METTL15: variants seen among roughly 807,000 people sequenced by gnomAD.
METTL15 encodes 12S rRNA N(4)-cytidine methyltransferase METTL15.
A neutral mutation model predicts 38.3 loss-of-function variants in METTL15; 34 were observed. That is an observed-to-expected ratio of 0.89 (90% CI 0.68 to 1.18). METTL15 has a LOEUF of 1.18. Among genes scored for constraint, METTL15 ranks in the 50% most tolerant of loss-of-function variants. The pLI is 0.00. For synonymous variants in METTL15, 162 were observed against 170.9 expected (o/e 0.95, Z 0.41); for missense variants, 438 against 498.4 (o/e 0.88, Z 1.15).
At chr11:28,313,640 TTGTTG>T (rs1164432883) in intron 6 of METTL15, among the ~76,000 whole-genome samples, 1 of 152,020 alleles carries the variant, frequency 6.6e-6, no homozygotes, top group Non-Finnish European at 1.5e-5. Flanking sequence ...ATTCTCACAT[TTGTTG>T]TGTTGGAGTG....
intron 3 of METTL15, among the ~76,000 whole-genome samples, chr11:28,131,640 TTTGA>T (rs1849341885): frequency 6.6e-6 from 1 of 152,122 alleles, no homozygotes; most frequent in Admixed American, 6.6e-5. Flanking sequence ...TGTATTTCTG[TTTGA>T]TTGTGAACAT....
intron 3 of METTL15, among the ~76,000 whole-genome samples, chr11:28,169,256 GACAA>G (rs1385607598): frequency 2.6e-4 from 39 of 152,132 alleles, no homozygotes; most frequent in African/African-American, 9.4e-4. Flanking sequence ...GTTATTAGTG[GACAA>G]ACAAATTCAG....
chr11:28,194,967 C>T (rs939822829), intron 3 of METTL15, among the ~76,000 whole-genome samples: 8 of 151,942 alleles, frequency 5.3e-5, no homozygotes, highest in African/African-American at 1.2e-4. Context: ...TTTTCCATTC[C>T]GGAGTTACTT....
intron 5 of METTL15, among the ~76,000 whole-genome samples, chr11:28,394,808 T>C (rs886207325): frequency 1.6e-4 from 25 of 152,252 alleles, no homozygotes; most frequent in African/African-American, 5.5e-4. Context: ...TAGTTTGTGC[T>C]GATCTCTCTC....
At chr11:28,527,970 C>T (rs546682101), downstream of METTL15, among the ~76,000 whole-genome samples, 2 of 152,286 alleles carry the variant, frequency 1.3e-5, no homozygotes, top group South Asian at 4.1e-4. Context: ...AAAATTCTGA[C>T]TCTCAAAGTA....
Position 28,518,172 on chromosome 11 carries a change from A to G in METTL15, c.*425-8306A>G, listed in dbSNP as rs146642031. On this transcript the variant is annotated intron_variant and NMD_transcript_variant, in intron 6 of 7. Transcript: ENST00000532947. The stretch of plus-strand genomic sequence containing the variant: ...TCAGATTGCAGGAGAAAGGTTTAAA[A>G]AAAAAGCATAAAGAAATTATCTAGG... Among the ~76,000 whole-genome samples the G allele has an allele frequency of 9.2e-4, 140 of 152,340 alleles. 1 individual carries two copies. The highest frequency in any genetic ancestry group is 1.7e-3 in the Non-Finnish European group (114 of 68,034).
At chr11:28,129,451 C>G (rs1486473386) in intron 3 of METTL15, among the ~76,000 whole-genome samples, 1 of 150,866 alleles carries the variant, frequency 6.6e-6, no homozygotes, top group African/African-American at 2.4e-5. Context: ...GCTCTCTTGC[C>G]TAGGCTGGAG....
chr11:28,524,593 G>A (rs1263164526), intron 6 of METTL15, among the ~76,000 whole-genome samples: 1 of 152,176 alleles, frequency 6.6e-6, no homozygotes, highest in African/African-American at 2.4e-5. Context: ...ATTACTTAGT[G>A]TGAAGGGTTC....
At chr11:28,446,352 C>T (rs921228143) in intron 6 of METTL15, among the ~76,000 whole-genome samples, 1 of 152,140 alleles carries the variant, frequency 6.6e-6, no homozygotes, top group African/African-American at 2.4e-5. Context: ...GTAGCTTCCA[C>T]ACTGGTGCTC....
At chr11:28,420,819 CA>C (rs1850813155) in intron 5 of METTL15, among the ~76,000 whole-genome samples, 1 of 151,842 alleles carries the variant, frequency 6.6e-6, no homozygotes, top group Admixed American at 6.6e-5. Flanking sequence ...ACTAGGAAAG[CA>C]AGAGCAAACC....
At chr11:28,528,865 T>G (rs1329710189), downstream of METTL15, among the ~76,000 whole-genome samples, 3 of 152,204 alleles carry the variant, frequency 2.0e-5, no homozygotes, top group African/African-American at 7.2e-5. Flanking sequence ...GCAGAAATAT[T>G]GTAATGCATC....
intron 6 of METTL15, among the ~76,000 whole-genome samples, chr11:28,301,984 AG>A (rs768539369): frequency 3.3e-4 from 50 of 152,052 alleles, no homozygotes; most frequent in Non-Finnish European, 5.1e-4. Flanking sequence ...TCATAGTTGA[AG>A]GCTGCAGTGA....
At chr11:28,336,826 T>A (rs934886912), downstream of METTL15, among the ~76,000 whole-genome samples, 3 of 152,218 alleles carry the variant, frequency 2.0e-5, no homozygotes, top group Non-Finnish European at 4.4e-5. Flanking sequence ...TATCATTATT[T>A]TAGAGTGTAC....
At chr11:28,318,925 A>G (rs1366828429) in intron 6 of METTL15, among the ~76,000 whole-genome samples, 2 of 152,202 alleles carry the variant, frequency 1.3e-5, no homozygotes, top group African/African-American at 2.4e-5. Context: ...AAGCAGATGA[A>G]AAAGAGACAA....
chr11:28,296,715 C>A (rs921839645), intron 5 of METTL15, 38 bp from the exon 6 acceptor site: 1 of 1,606,668 alleles, frequency 6.2e-7, no homozygotes, highest in Non-Finnish European at 8.5e-7. Context: ...TCAATGAGAA[C>A]TGATGTCAGT....
chr11:28,475,225 A>C (rs189591196), intron 6 of METTL15, among the ~76,000 whole-genome samples: 1 of 152,256 alleles, frequency 6.6e-6, no homozygotes, highest in Non-Finnish European at 1.5e-5. Flanking sequence ...AGTGGAAACC[A>C]TGAAGCTAAG....
chr11:28,170,678 A>G (rs12789093), intron 3 of METTL15, among the ~76,000 whole-genome samples: 1 of 152,134 alleles, frequency 6.6e-6, no homozygotes, highest in Non-Finnish European at 1.5e-5. Flanking sequence ...TTGCCATGGC[A>G]TTTGTAAACT....
At chr11:28,226,397 G>A (rs2133874317) in intron 4 of METTL15, among the ~76,000 whole-genome samples, 1 of 151,982 alleles carries the variant, frequency 6.6e-6, no homozygotes. Flanking sequence ...TTATATTACT[G>A]TGGAGCAAAA....
At chr11:28,197,865 GAGA>G (rs1278166998) in intron 3 of METTL15, among the ~76,000 whole-genome samples, 1 of 152,040 alleles carries the variant, frequency 6.6e-6, no homozygotes, top group African/African-American at 2.4e-5. Context: ...TATTGCTTAT[GAGA>G]AGAATTTAAT....
Sources: gnomAD v4.1 joint callset for allele counts (sites outside exome capture counted in the v4.1 genomes callset) on GRCh38, gnomAD v4.1.1 for gene constraint, MANE v1.5 for transcripts, NCBI Gene and HGNC (gene_info 2026-07-23, HGNC 2026-07-21) for gene names.